LMO2: variants seen among roughly 807,000 people sequenced by gnomAD.
LMO2 encodes the protein LIM domain only 2, also known as rhombotin-2.
A neutral mutation model predicts 23.2 loss-of-function variants in LMO2; 20 were observed. The observed-to-expected ratio is 0.86, with a 90% CI of 0.61 to 1.25. The LOEUF is 1.25. LMO2 is among the 50% of genes most tolerant of loss of function. The pLI is 0.00. For synonymous variants in LMO2, 123 were observed against 130.2 expected (o/e 0.94, Z 0.38); for missense variants, 270 against 315.3 (o/e 0.86, Z 1.09).
chr11:33,861,480 T>G (rs572369312), intron 5 of LMO2, among the ~76,000 whole-genome samples: 50 of 152,344 alleles, frequency 3.3e-4, no homozygotes, highest in African/African-American at 1.0e-3. Context: ...GCTTTCCATT[T>G]GAAGATCTCT....
intron 2 of LMO2, chr11:33,871,136 A>T: frequency 3.5e-6 from 3 of 857,412 alleles, no homozygotes; most frequent in Non-Finnish European, 4.2e-6. Context: ...TACTGCCTGC[A>T]TGCTCTTGTC....
chr11:33,881,476 G>A (rs868243317), intron 2 of LMO2: 9 of 443,156 alleles, frequency 2.0e-5, no homozygotes, highest in African/African-American at 1.8e-4. Flanking sequence ...TTGTGACTTG[G>A]GTTGGGAGAC....
intron 1 of LMO2, among the ~76,000 whole-genome samples, chr11:33,888,896 C>T (rs545239781): frequency 1.0e-3 from 155 of 152,300 alleles, no homozygotes; most frequent in Non-Finnish European, 1.8e-3. Flanking sequence ...TATTATCATC[C>T]TGATTCAATG....
At position 33,871,667 on chromosome 11, in the gene LMO2, CTA is replaced by C. The variant is rs1857027189; in HGVS notation, c.-271-1682_-271-1681del. 2.0e-5 allele frequency among the ~76,000 whole-genome samples: 3 copies of C among 146,544 alleles called. No homozygotes were observed. The South Asian group carries it at 6.4e-4, about 31-fold the overall frequency. On this transcript the variant is annotated intron_variant, in intron 2 of 5. Transcript: ENST00000257818. ...TACTTAGAATTTAGGCAAGCCTAAA[CTA>C]TGTGATAAATATGTAACCTACCACA...
chr11:33,879,452 C>G (rs1249453289), intron 2 of LMO2, among the ~76,000 whole-genome samples: 1 of 141,178 alleles, frequency 7.1e-6, no homozygotes, highest in African/African-American at 2.8e-5. Context: ...AAACTCCTGT[C>G]TCTACTTAAA....
Position 33,869,838 on chromosome 11 carries a change from C to G in LMO2, c.-122G>C. On this transcript the variant is annotated 5_prime_UTR_variant, in exon 3 of 6. Coordinates refer to ENST00000257818, the MANE Select transcript of LMO2 (RefSeq NM_005574.4). ...AGCCCCTCGCACCTTCGGCCCGGGT[C>G]GCGGCGCGCTGCTCGCCGCCGAGGG... 1.8e-5 allele frequency: 19 copies of G among 1,067,718 alleles called. No individual in the cohort carries two copies. The highest frequency in any genetic ancestry group is 2.1e-5 in the Non-Finnish European group (19 of 884,298). 66.1% of individuals were successfully genotyped at this position (1,067,718 alleles called of 1,614,324 possible). A position where few individuals can be genotyped will look rare whatever the true frequency, so the allele number is the denominator to read the frequency against.
At chr11:33,873,165 C>G (rs1054411908) in intron 2 of LMO2, among the ~76,000 whole-genome samples, 2 of 152,124 alleles carry the variant, frequency 1.3e-5, no homozygotes, top group Non-Finnish European at 2.9e-5. Context: ...CCTTGGGTTC[C>G]AAGAGGTAAC....
intron 4 of LMO2, among the ~76,000 whole-genome samples, chr11:33,867,691 A>T (rs889655377): frequency 4.6e-5 from 7 of 152,172 alleles, no homozygotes; most frequent in East Asian, 1.9e-4. Flanking sequence ...TGAAGGAAGG[A>T]GCTGGTGAGC....
chr11:33,878,442 A>G (rs1857188825), intron 2 of LMO2, among the ~76,000 whole-genome samples: 1 of 152,212 alleles, frequency 6.6e-6, no homozygotes, highest in Admixed American at 6.5e-5. Context: ...ACAACTTACT[A>G]TCTGGGTCAT....
At chr11:33,877,592 G>A (rs983950454) in intron 2 of LMO2, among the ~76,000 whole-genome samples, 4 of 150,908 alleles carry the variant, frequency 2.7e-5, no homozygotes, top group African/African-American at 9.8e-5. Context: ...AGCCTCCTGA[G>A]TAGCTGGGAC....
Position 33,869,853 on chromosome 11 carries a change from G to A in LMO2, c.-137C>T, listed in dbSNP as rs1302565103. 11 of 1,057,918 alleles carry A rather than the reference G, an allele frequency of 1.0e-5. 1 individual carries two copies. The highest frequency in any genetic ancestry group is 1.3e-5 in the Non-Finnish European group (11 of 877,768). The allele number at this position is 1,057,918 out of a possible 1,614,324, so 65.5% of individuals were successfully genotyped here. A position where few individuals can be genotyped will look rare whatever the true frequency, so the allele number is the denominator to read the frequency against. ...CGGCCCGGGTCGCGGCGCGCTGCTCGCCGCCGAGGGCAGAGAGGGGGCGGC... is the reference window on the plus strand; with the variant it reads ...CGGCCCGGGTCGCGGCGCGCTGCTCACCGCCGAGGGCAGAGAGGGGGCGGC... On this transcript the variant is annotated 5_prime_UTR_variant, in exon 3 of 6. Coordinates refer to ENST00000257818, the MANE Select transcript of LMO2 (RefSeq NM_005574.4).
chr11:33,891,412 C>T (rs1215431844), intron 1 of LMO2, among the ~76,000 whole-genome samples: 1 of 151,344 alleles, frequency 6.6e-6, no homozygotes, highest in Non-Finnish European at 1.5e-5. Flanking sequence ...CACACAGTTG[C>T]TGGGGAGATC....
rs1376542415 is a variant in LMO2, at chr11:33,858,813, A to G, written c.*543T>C. 1 of 226,090 alleles carries G rather than the reference A, an allele frequency of 4.4e-6. No homozygotes were observed. Among genetic ancestry groups the G allele is most frequent in the Non-Finnish European group, 8.8e-6 (1 of 113,910 alleles). The allele number at this position is 226,090 out of a possible 1,614,324, so 14.0% of individuals were successfully genotyped here. On this transcript the variant is annotated 3_prime_UTR_variant, in exon 6 of 6. Transcript: ENST00000257818. The stretch of plus-strand genomic sequence containing the variant: ...GTTGTGGTTTCCATTCTCAACCGAA[A>G]TGCGTCTCCATGCAGTTTTCCTTGG...
Position 33,869,569 on chromosome 11 carries a change from G to C in LMO2, c.25C>G (p.Leu9Val). The change falls in exon 4 of 6, where the codon CTT becomes GTT. Residue 9 changes from leucine to valine, a missense_variant. Leu to Val is a conservative substitution (Grantham distance 32). Transcript: ENST00000257818. MEGSAVTV[L>V]ERGGASSPAE... Reference sequence around the variant, plus strand: ...GGCGAGCTCGCCCCTCCGCGCTCAAGGACAGTCACCGCGCTCCCTTCAAAC... The same window carrying C: ...GGCGAGCTCGCCCCTCCGCGCTCAACGACAGTCACCGCGCTCCCTTCAAAC... The C allele has an allele frequency of 3.1e-6, 4 of 1,301,324 alleles. No homozygotes were observed. Among genetic ancestry groups the C allele is most frequent in the Non-Finnish European group, 4.0e-6 (4 of 1,011,882 alleles). The allele number at this position is 1,301,324 out of a possible 1,614,324, so 80.6% of individuals were successfully genotyped here.
intron 2 of LMO2, chr11:33,881,387 A>G (rs1376756959): frequency 4.4e-6 from 2 of 456,568 alleles, no homozygotes; most frequent in Non-Finnish European, 8.8e-6. Flanking sequence ...ATCTTGAAGG[A>G]GGTCTTGGCA....
intron 2 of LMO2, 87 bp from the exon 3 acceptor site, chr11:33,870,074 T>A: frequency 5.4e-5 from 16 of 294,290 alleles, no homozygotes; most frequent in Non-Finnish European, 7.5e-5. Flanking sequence ...TTCTTCCTTT[T>A]TTTTTTTTTT....
chr11:33,878,153 C>G (rs150676019), intron 2 of LMO2, among the ~76,000 whole-genome samples: 1 of 74,298 alleles, frequency 1.3e-5, no homozygotes, highest in African/African-American at 8.0e-5. Flanking sequence ...TCTAGCAGGT[C>G]GAGACCAAAT....
chr11:33,885,445 T>C (rs1219366192), intron 1 of LMO2, among the ~76,000 whole-genome samples: 1 of 152,196 alleles, frequency 6.6e-6, no homozygotes, highest in Non-Finnish European at 1.5e-5. Context: ...GGTGGTTTTG[T>C]GGTGCAAATA....
intron 2 of LMO2, among the ~76,000 whole-genome samples, chr11:33,877,025 C>T (rs1347987538): frequency 6.6e-6 from 1 of 152,190 alleles, no homozygotes; most frequent in Non-Finnish European, 1.5e-5. Flanking sequence ...TCAACCAGGG[C>T]AGGGCTTTCT....
Sources: allele counts gnomAD v4.1 joint callset (sites outside exome capture counted in the v4.1 genomes callset), GRCh38; gene constraint gnomAD v4.1.1; transcripts MANE v1.5; gene names NCBI Gene and HGNC (gene_info 2026-07-23, HGNC 2026-07-21).